The following VAV3 variants were observed in gnomAD, a reference collection of about 807,000 sequenced individuals.
VAV3 encodes vav guanine nucleotide exchange factor 3, also known as guanine nucleotide exchange factor VAV3.
Under a neutral mutation model 131.2 loss-of-function variants are expected in VAV3, and 94 were observed. The observed-to-expected ratio is 0.72, with a 90% CI of 0.61 to 0.85. The LOEUF is 0.85. VAV3 is among the 40% of genes least tolerant of loss of function. The pLI is 0.00. For missense variants in VAV3, 939 were observed against 1,002.7 expected (o/e 0.94, Z 0.86); for synonymous variants, 349 against 342.0 (o/e 1.02, Z -0.22).
intron 15 of VAV3, among the ~76,000 whole-genome samples, chr1:107,720,697 C>T (rs893824258): frequency 6.6e-6 from 1 of 152,092 alleles, no homozygotes; most frequent in Non-Finnish European, 1.5e-5. Flanking sequence ...AAGTGTAGTG[C>T]TTTAGTAACA....
intron 15 of VAV3, among the ~76,000 whole-genome samples, chr1:107,738,993 A>G (rs894247872): frequency 6.6e-6 from 1 of 152,214 alleles, no homozygotes; most frequent in African/African-American, 2.4e-5. Flanking sequence ...AACAGATGAA[A>G]GGCTCTGTTA....
chr1:107,708,642 C>T, intron 15 of VAV3, among the ~76,000 whole-genome samples: 1 of 152,102 alleles, frequency 6.6e-6, no homozygotes, highest in East Asian at 1.9e-4. Flanking sequence ...CTTTGTTCTC[C>T]AGATATGCAT....
At chr1:107,782,309 C>T (rs1305945138) in intron 2 of VAV3, among the ~76,000 whole-genome samples, 1 of 151,938 alleles carries the variant, frequency 6.6e-6, no homozygotes, top group Non-Finnish European at 1.5e-5. Flanking sequence ...TTTCCCCCAC[C>T]AAAAACCAGA....
intron 14 of VAV3, 43 bp downstream of exon 14, chr1:107,749,419 A>G (rs1663562416): frequency 1.3e-6 from 2 of 1,556,372 alleles, no homozygotes; most frequent in East Asian, 2.3e-5. Context: ...CTTAATGTTC[A>G]AGATTATAAG....
At chr1:107,599,421 C>G (rs1328022555) in intron 24 of VAV3, among the ~76,000 whole-genome samples, 1 of 152,206 alleles carries the variant, frequency 6.6e-6, no homozygotes, top group Non-Finnish European at 1.5e-5. Flanking sequence ...TTATCTCACA[C>G]TGACACAGCA....
intron 25 of VAV3, chr1:107,576,460 C>T (rs1241250820): frequency 2.0e-6 from 3 of 1,514,210 alleles, no homozygotes; most frequent in Non-Finnish European, 1.8e-6. Flanking sequence ...AGAAAAGCCA[C>T]AGAACAAAGA....
chr1:107,943,366 C>T (rs1234895987), intron 1 of VAV3, among the ~76,000 whole-genome samples: 1 of 152,140 alleles, frequency 6.6e-6, no homozygotes, highest in Non-Finnish European at 1.5e-5. Context: ...ATTAGTCCCT[C>T]CAGGGCCTTC....
intron 1 of VAV3, among the ~76,000 whole-genome samples, chr1:107,931,400 AATT>A (rs1378759883): frequency 2.6e-5 from 4 of 152,224 alleles, no homozygotes; most frequent in African/African-American, 9.7e-5. Flanking sequence ...AAGTATGCAC[AATT>A]ATTATATGCC....
chr1:107,961,427 A>G (rs1057196226), intron 1 of VAV3, among the ~76,000 whole-genome samples: 2 of 152,140 alleles, frequency 1.3e-5, no homozygotes, highest in African/African-American at 4.8e-5. Flanking sequence ...CTTCTCTTCC[A>G]GAATCATTCA....
intron 2 of VAV3, among the ~76,000 whole-genome samples, chr1:107,812,460 G>T (rs1279909967): frequency 1.3e-5 from 2 of 151,918 alleles, no homozygotes; most frequent in Non-Finnish European, 2.9e-5. Flanking sequence ...GATTTCCAAA[G>T]AATAGGAATA....
intron 1 of VAV3, among the ~76,000 whole-genome samples, chr1:107,903,800 C>A (rs945892012): frequency 6.6e-5 from 10 of 152,150 alleles, no homozygotes; most frequent in African/African-American, 2.4e-4. Flanking sequence ...AGAACTGACA[C>A]CTCCATTTGT....
chr1:107,775,577 C>CAAAAAAA lies in VAV3; in HGVS notation c.446+1647_446+1653dup, dbSNP rs34775096. Among the ~76,000 whole-genome samples the CAAAAAAA allele has an allele frequency of 1.4e-3, 80 of 56,476 alleles. 1 individual carries two copies. Among genetic ancestry groups the CAAAAAAA allele is most frequent in the East Asian group, 5.0e-3 (7 of 1,398 alleles). 37.1% of individuals were successfully genotyped at this position (56,476 alleles called of 152,430 possible). On this transcript the variant is annotated intron_variant, in intron 4 of 26. Transcript: ENST00000370056. ...TGGGTGCCAGAGCAAGACTCAGTCA[C>CAAAAAAA]AAAAAAAAAAAAAAAAAAAAAAAAA... is the stretch of plus-strand genomic sequence containing the variant.
At chr1:107,962,104 G>GT (rs776288340) in intron 1 of VAV3, among the ~76,000 whole-genome samples, 23 of 152,016 alleles carry the variant, frequency 1.5e-4, no homozygotes, top group Admixed American at 1.0e-3. Flanking sequence ...TATTTCTCAG[G>GT]TTAGGAGATC....
chr1:107,720,384 AAAAT>A (rs35673194), intron 15 of VAV3, among the ~76,000 whole-genome samples: 2,755 of 102,504 alleles, frequency 0.027, 102 homozygotes, highest in African/African-American at 0.081. Context: ...CACTGTCTCA[AAAAT>A]AAATAAATAA....
intron 2 of VAV3, among the ~76,000 whole-genome samples, chr1:107,815,068 C>T (rs368312280): frequency 6.6e-6 from 1 of 152,130 alleles, no homozygotes; most frequent in East Asian, 1.9e-4. Context: ...AATGAGAAAA[C>T]TCATGTTATT....
At chr1:107,646,287 A>T (rs952276832) in intron 19 of VAV3, among the ~76,000 whole-genome samples, 1 of 152,038 alleles carries the variant, frequency 6.6e-6, no homozygotes, top group Non-Finnish European at 1.5e-5. Context: ...CTAATCTCAG[A>T]AAGTTGCTTC....
chr1:107,589,388 G>C (rs2769667), intron 25 of VAV3, among the ~76,000 whole-genome samples: 148 of 152,314 alleles, frequency 9.7e-4, no homozygotes, highest in African/African-American at 3.5e-3. Flanking sequence ...AGAAGGTGAC[G>C]TGAAGACCAG....
At chr1:107,692,049 A>G (rs1245948951) in intron 17 of VAV3, among the ~76,000 whole-genome samples, 1 of 152,134 alleles carries the variant, frequency 6.6e-6, no homozygotes, top group Non-Finnish European at 1.5e-5. Flanking sequence ...TAAACACATC[A>G]ATGTCCAGTA....
chr1:107,777,229 A>G lies in VAV3; in HGVS notation c.446+2T>C, dbSNP rs1665409814. ...AAATTTTGCTTGAAATTTTCAACAT[A>G]CTCTATTAAATCAGGAAGGCCTTTG... On this transcript the variant is annotated splice_donor_variant, in intron 4 of 26. Coordinates refer to ENST00000370056, the MANE Select transcript of VAV3 (RefSeq NM_006113.5). LOFTEE classifies it high-confidence loss of function. 3 of 1,613,562 alleles carry G rather than the reference A, an allele frequency of 1.9e-6. No homozygotes were observed. Among genetic ancestry groups the G allele is most frequent in the Non-Finnish European group, 2.5e-6 (3 of 1,179,622 alleles).
Sources: allele counts gnomAD v4.1 joint callset (sites outside exome capture counted in the v4.1 genomes callset), GRCh38; gene constraint gnomAD v4.1.1; transcripts MANE v1.5; gene names NCBI Gene and HGNC (gene_info 2026-07-23, HGNC 2026-07-21).